Variants in PHF2 observed in about 807,000 individuals in gnomAD.
PHF2 encodes PHD finger protein 2, also known as lysine-specific demethylase PHF2.
Under a neutral mutation model 120.5 loss-of-function variants are expected in PHF2, and 27 were observed. The observed-to-expected ratio is 0.22, with a 90% confidence interval of 0.17 to 0.31. The LOEUF is 0.31. PHF2 is among the 10% of genes least tolerant of loss of function. PHF2 has a pLI of 1.00. For synonymous variants in PHF2, 568 were observed against 592.5 expected (o/e 0.96, Z 0.60); for missense variants, 1,024 against 1,434.8 (o/e 0.71, Z 4.63).
chr9:93,651,098 T>TAAAAA (rs59504471), intron 5 of PHF2, among the ~76,000 whole-genome samples: 1 of 138,910 alleles, frequency 7.2e-6, no homozygotes, highest in Non-Finnish European at 1.5e-5. Context: ...TTTTAAAAAT[T>TAAAAA]AAAAAAAAAA....
chr9:93,596,729 T>C (rs1161353462), intron 1 of PHF2, among the ~76,000 whole-genome samples: 1 of 146,958 alleles, frequency 6.8e-6, no homozygotes, highest in Admixed American at 6.9e-5. Flanking sequence ...TGCACCTTCA[T>C]GCCTCAGTGT....
chr9:93,622,269 T>C (rs55846473), intron 1 of PHF2, among the ~76,000 whole-genome samples: 21,271 of 152,210 alleles, frequency 0.14, 1,591 homozygotes, highest in Non-Finnish European at 0.17. Flanking sequence ...AGCCAGCCTG[T>C]CCATACACCG....
intron 18 of PHF2, 32 bp downstream of exon 18, chr9:93,673,894 A>C: frequency 6.5e-7 from 1 of 1,543,460 alleles, no homozygotes; most frequent in Admixed American, 1.8e-5. Context: ...GGCAGGGCCC[A>C]TGCTCAGCCC....
chr9:93,645,926 A>C, intron 4 of PHF2, 137 bp downstream of exon 4: 1 of 983,078 alleles, frequency 1.0e-6, no homozygotes, highest in Non-Finnish European at 1.4e-6. Context: ...GGCTCACCGT[A>C]CTCTGTTCCC....
intron 1 of PHF2, among the ~76,000 whole-genome samples, chr9:93,579,949 C>T (rs570345034): frequency 1.1e-4 from 17 of 152,314 alleles, no homozygotes; most frequent in Admixed American, 1.0e-3. Context: ...GTGGGTGGGG[C>T]TGCCCCGCTG....
In PHF2 at chr9:93,636,543, T is replaced by C. The variant is rs376030647; in HGVS notation, c.299+18T>C. 1.8e-5 allele frequency: 28 copies of C among 1,513,684 alleles called. No individual in the cohort carries two copies. Among genetic ancestry groups the C allele is most frequent in the Non-Finnish European group, 2.3e-5 (25 of 1,108,646 alleles). 93.8% of individuals were successfully genotyped at this position (1,513,684 alleles called of 1,614,324 possible). On this transcript the variant is annotated intron_variant, in intron 3 of 21. Coordinates refer to ENST00000359246, the MANE Select transcript of PHF2 (RefSeq NM_005392.4). ...TTTCCCAGGTGGGCTGGCCTTCCTG[T>C]ATGCTCCACCACCTGCAGCCAGGGG...
intron 7 of PHF2, among the ~76,000 whole-genome samples, chr9:93,655,169 C>T (rs1292568201): frequency 6.6e-6 from 1 of 152,158 alleles, no homozygotes; most frequent in Non-Finnish European, 1.5e-5. Flanking sequence ...AGTAACATAG[C>T]TGTAATACTG....
chr9:93,615,208 ATGG>A, intron 1 of PHF2, among the ~76,000 whole-genome samples: 1 of 146,750 alleles, frequency 6.8e-6, no homozygotes, highest in South Asian at 2.2e-4. Context: ...GATGATGGTG[ATGG>A]TGATGGTGAT....
At chr9:93,593,084 C>CAAAAAAAA (rs200919035) in intron 1 of PHF2, among the ~76,000 whole-genome samples, 2 of 83,378 alleles carry the variant, frequency 2.4e-5, no homozygotes, top group African/African-American at 5.6e-5. Flanking sequence ...TCCTTTATGC[C>CAAAAAAAA]AAAAAAAAAA....
chr9:93,586,215 A>G (rs952951622), intron 1 of PHF2, among the ~76,000 whole-genome samples: 2 of 152,252 alleles, frequency 1.3e-5, no homozygotes, highest in East Asian at 1.9e-4. Flanking sequence ...AATGGGAAGC[A>G]GTGGGGAGTC....
intron 5 of PHF2, among the ~76,000 whole-genome samples, chr9:93,651,851 C>T (rs1826374959): frequency 1.3e-5 from 2 of 152,104 alleles, no homozygotes; most frequent in Non-Finnish European, 1.5e-5. Flanking sequence ...ACAGCCTGGC[C>T]CCCTGTGGTG....
At chr9:93,646,275 C>A (rs1455431086) in intron 4 of PHF2, among the ~76,000 whole-genome samples, 2 of 152,234 alleles carry the variant, frequency 1.3e-5, no homozygotes. Context: ...TTTCATGTCC[C>A]CTTGCAGCTC....
At chr9:93,662,368 T>G (rs1359249224) in intron 12 of PHF2, among the ~76,000 whole-genome samples, 3 of 150,182 alleles carry the variant, frequency 2.0e-5, no homozygotes, top group Non-Finnish European at 4.4e-5. Flanking sequence ...AATGGATGAG[T>G]GGATGGGGAG....
At chr9:93,664,469 C>T (rs908805514) in intron 14 of PHF2, among the ~76,000 whole-genome samples, 8 of 152,192 alleles carry the variant, frequency 5.3e-5, no homozygotes, top group Middle Eastern at 3.2e-3. Flanking sequence ...TCAGACAGGT[C>T]CCAGCAGGAG....
chr9:93,652,207 G>T (rs1481976997), intron 5 of PHF2, among the ~76,000 whole-genome samples: 1 of 151,630 alleles, frequency 6.6e-6, no homozygotes, highest in East Asian at 1.9e-4. Flanking sequence ...GACAGACCCT[G>T]TCTTCCTGGA....
intron 1 of PHF2, among the ~76,000 whole-genome samples, chr9:93,604,450 G>T (rs117300764): frequency 0.018 from 2,771 of 151,160 alleles, 78 homozygotes; most frequent in East Asian, 0.11. Flanking sequence ...TCAAGAAACA[G>T]AATTTCTTTA....
chr9:93,674,008 C>T (rs963751841), intron 18 of PHF2, 146 bp downstream of exon 18: 31 of 908,918 alleles, frequency 3.4e-5, no homozygotes, highest in African/African-American at 1.9e-4. Context: ...CTGCTGTCCC[C>T]GGAGACCCTC....
At chr9:93,643,956 C>A (rs1434883301) in intron 3 of PHF2, among the ~76,000 whole-genome samples, 1 of 152,184 alleles carries the variant, frequency 6.6e-6, no homozygotes, top group African/African-American at 2.4e-5. Context: ...ACCCCCTTGG[C>A]CCTTTCCCTG....
intron 5 of PHF2, among the ~76,000 whole-genome samples, chr9:93,651,099 A>T (rs72747426): frequency 0.099 from 605 of 6,104 alleles, 2 homozygotes; most frequent in African/African-American, 0.16. Flanking sequence ...TTTAAAAATT[A>T]AAAAAAAAAA....
Sources: allele counts gnomAD v4.1 joint callset (sites outside exome capture counted in the v4.1 genomes callset), GRCh38; gene constraint gnomAD v4.1.1; transcripts MANE v1.5; gene names NCBI Gene and HGNC (gene_info 2026-07-23, HGNC 2026-07-21).